The following DNAJC11 variants were observed in gnomAD, a reference collection of about 807,000 sequenced individuals.
The protein encoded by DNAJC11 is dnaJ homolog subfamily C member 11.
A neutral mutation model predicts 78.6 loss-of-function variants in DNAJC11; 15 were observed. The ratio of observed to expected loss-of-function variants is 0.19; its 90% CI spans 0.13 to 0.29. DNAJC11 has a LOEUF of 0.29. DNAJC11 is among the 10% of genes least tolerant of loss of function. The pLI, the probability that DNAJC11 is intolerant of heterozygous loss-of-function variation, is 1.00. For synonymous variants in DNAJC11, 292 were observed against 272.1 expected (o/e 1.07, Z -0.72); for missense variants, 547 against 709.6 (o/e 0.77, Z 2.60).
chr1:6,682,978 C>T (rs1331314644), intron 1 of DNAJC11, among the ~76,000 whole-genome samples: 3 of 152,098 alleles, frequency 2.0e-5, no homozygotes, highest in Admixed American at 1.3e-4. Context: ...AGAGAGCTTC[C>T]CGCTGGTTTG....
rs373107839 is a variant in DNAJC11, at chr1:6,639,895, A to G, written c.1253+7T>C. ...GCTAGTGACATGCCCATGACGTGTC[A>G]ACTCACTTCTCTTTCTGAGCCCTGA... is the stretch of plus-strand genomic sequence containing the variant. On this transcript the variant is annotated splice_region_variant and intron_variant, in intron 11 of 15. Transcript: ENST00000377577. 1 of 1,612,608 alleles carries G rather than the reference A, an allele frequency of 6.2e-7. No homozygotes were observed. Among genetic ancestry groups the G allele is most frequent in the Non-Finnish European group, 8.5e-7 (1 of 1,179,458 alleles).
intron 10 of DNAJC11, 54 bp from the exon 11 acceptor site, chr1:6,640,111 C>T: frequency 1.3e-6 from 2 of 1,497,242 alleles, no homozygotes; most frequent in South Asian, 1.3e-5. Flanking sequence ...TCAGGTTTTC[C>T]AGGGAAGGGC....
At chr1:6,678,879 C>T (rs963904835) in intron 2 of DNAJC11, among the ~76,000 whole-genome samples, 6 of 152,100 alleles carry the variant, frequency 3.9e-5, no homozygotes, top group African/African-American at 1.2e-4. Context: ...GAATTCCTGG[C>T]CTTAAATGAT....
At chr1:6,641,022 A>T (rs1481956161) in intron 10 of DNAJC11, among the ~76,000 whole-genome samples, 1 of 152,178 alleles carries the variant, frequency 6.6e-6, no homozygotes, top group Non-Finnish European at 1.5e-5. Context: ...AGCCACTGAC[A>T]ATACCTGATC....
intron 1 of DNAJC11, among the ~76,000 whole-genome samples, chr1:6,682,036 CAGA>C (rs1260415610): frequency 1.3e-5 from 2 of 151,800 alleles, no homozygotes; most frequent in African/African-American, 4.8e-5. Context: ...GCCAACTGAA[CAGA>C]AGAATAGGCC....
chr1:6,644,762 C>A, intron 9 of DNAJC11, 88 bp from the exon 10 acceptor site: 1 of 1,148,828 alleles, frequency 8.7e-7, no homozygotes. Context: ...AGGTACCTTC[C>A]CTTCCCTCCC....
In DNAJC11 at chr1:6,635,129, AAGC is replaced by A. The variant is rs1641737141; in HGVS notation, c.*543_*545del. On this transcript the variant is annotated 3_prime_UTR_variant, in exon 16 of 16. Transcript: ENST00000377577. Reference sequence around the variant, plus strand: ...CCAAACCCGTTTGTTCTCAGATAAAAAGCAGTTTTATAAACCCGCAATCTGCTC... The same window carrying A: ...CCAAACCCGTTTGTTCTCAGATAAAAAGTTTTATAAACCCGCAATCTGCTC... The A allele has an allele frequency of 5.8e-6, 1 of 172,338 alleles. No homozygotes were observed. The highest frequency in any genetic ancestry group is 1.3e-5 in the Non-Finnish European group (1 of 78,940). 10.7% of individuals were successfully genotyped at this position (172,338 alleles called of 1,614,324 possible). A position where few individuals can be genotyped will look rare whatever the true frequency, so the allele number is the denominator to read the frequency against.
At chr1:6,690,413 T>A (rs1340691998) in intron 1 of DNAJC11, among the ~76,000 whole-genome samples, 1 of 152,202 alleles carries the variant, frequency 6.6e-6, no homozygotes, top group Non-Finnish European at 1.5e-5. Flanking sequence ...ATTTTCTGGA[T>A]GAACGGGCTC....
chr1:6,645,827 G>A lies in DNAJC11; in HGVS notation c.856C>T (p.Arg286Ter), dbSNP rs1461380183. 5 of 1,614,134 alleles carry A rather than the reference G, an allele frequency of 3.1e-6. No homozygotes were observed. Among genetic ancestry groups the A allele is most frequent in the African/African-American group, 1.3e-5 (1 of 75,026 alleles). Reference sequence around the variant, plus strand: ...GTGAAGTGGCTGGTTTTAGTGTCTCGGACGATGCTAGTGTTCATGGCTGAC... The same window carrying A: ...GTGAAGTGGCTGGTTTTAGTGTCTCAGACGATGCTAGTGTTCATGGCTGAC... ...IQSAMNTSIV[R>*]DTKTSHFTVA... Residue 286 changes from arginine to a stop codon, truncating the protein, a stop_gained, in exon 8 of 16, where the codon CGA (arginine) becomes TGA (stop). Transcript: ENST00000377577. LOFTEE classifies it high-confidence loss of function. This position sits in a 1 kb window ranked among gnomAD's most constrained non-coding sequence, Gnocchi z 4.1.
chr1:6,651,014 C>T, intron 7 of DNAJC11: 1 of 531,616 alleles, frequency 1.9e-6, no homozygotes, highest in South Asian at 1.4e-5. Context: ...TCACTGCACC[C>T]ACCATATAGG....
intron 1 of DNAJC11, among the ~76,000 whole-genome samples, chr1:6,698,940 T>A (rs1239951065): frequency 2.0e-5 from 3 of 147,778 alleles, no homozygotes; most frequent in Non-Finnish European, 4.5e-5. Flanking sequence ...ATTATATATA[T>A]AAATATATAT....
Position 6,634,766 on chromosome 1 carries a change from C to T in DNAJC11, c.*909G>A, listed in dbSNP as rs149431964. 3.7e-4 allele frequency: 495 copies of T among 1,330,006 alleles called. 2 individuals are homozygous for T. The African/African-American group carries it at 5.1e-3, about 14-fold the overall frequency. 82.4% of individuals were successfully genotyped at this position (1,330,006 alleles called of 1,614,324 possible). A position where few individuals can be genotyped will look rare whatever the true frequency, so the allele number is the denominator to read the frequency against. On this transcript the variant is annotated 3_prime_UTR_variant, in exon 16 of 16. Transcript: ENST00000377577. ...TGTGAGGACGCTGGACCTGCAGGAG[C>T]GGGGAGCTGCAGTGCCACCTGCTGG...
In DNAJC11 at chr1:6,647,548, G is replaced by T. The variant is rs1221664627; in HGVS notation, c.705-1570C>A. On this transcript the variant is annotated intron_variant, in intron 7 of 15. Coordinates refer to ENST00000377577, the MANE Select transcript of DNAJC11 (RefSeq NM_018198.4). ...GAAACTGGGCTAGTAGGCCGGGCGC[G>T]GTGGCTCACGCCTGTAATCCCAGCA... 2.0e-5 allele frequency among the ~76,000 whole-genome samples: 3 copies of T among 152,012 alleles called. No individual in the cohort carries two copies. In the East Asian group the frequency reaches 5.8e-4, roughly 29 times the overall value.
At chr1:6,663,329 C>G (rs1642246126) in intron 4 of DNAJC11, among the ~76,000 whole-genome samples, 1 of 152,174 alleles carries the variant, frequency 6.6e-6, no homozygotes, top group Non-Finnish European at 1.5e-5. Context: ...TAATCATCTG[C>G]TCCACACAGG....
chr1:6,696,003 A>T (rs1642830613), intron 1 of DNAJC11, among the ~76,000 whole-genome samples: 1 of 152,210 alleles, frequency 6.6e-6, no homozygotes, highest in African/African-American at 2.4e-5. Context: ...CTGAGGTTAA[A>T]TGACTCGTTG....
In DNAJC11 at chr1:6,635,572, T is replaced by C. The variant is rs1338917801; in HGVS notation, c.*103A>G. On this transcript the variant is annotated 3_prime_UTR_variant, in exon 16 of 16. Coordinates refer to ENST00000377577, the MANE Select transcript of DNAJC11 (RefSeq NM_018198.4). ...ATGGTACCACCTTCTATAATAATAA[T>C]ATAAAATAAAAACATCTGATGTCTG... 5 of 1,208,466 alleles carry C rather than the reference T, an allele frequency of 4.1e-6. No homozygotes were observed. Among genetic ancestry groups the C allele is most frequent in the Non-Finnish European group, 5.9e-6 (5 of 849,812 alleles). 74.9% of individuals were successfully genotyped at this position (1,208,466 alleles called of 1,614,324 possible).
chr1:6,663,464 A>G (rs1378967999), intron 4 of DNAJC11, among the ~76,000 whole-genome samples: 1 of 150,704 alleles, frequency 6.6e-6, no homozygotes, highest in Non-Finnish European at 1.5e-5. Flanking sequence ...GGTATTAAGG[A>G]AAAAAGGAAT....
chr1:6,672,217 G>A (rs192026236), intron 3 of DNAJC11, among the ~76,000 whole-genome samples: 45 of 152,196 alleles, frequency 3.0e-4, no homozygotes, highest in Middle Eastern at 6.8e-3. Context: ...AGTTTGATTC[G>A]CCATAACTTT....
intron 10 of DNAJC11, among the ~76,000 whole-genome samples, chr1:6,642,996 T>A (rs1415748316): frequency 6.6e-6 from 1 of 151,702 alleles, no homozygotes; most frequent in Non-Finnish European, 1.5e-5. Context: ...ATTTAGGGGT[T>A]TGGGAGACAG....
Sources: allele counts gnomAD v4.1 joint callset (sites outside exome capture counted in the v4.1 genomes callset), GRCh38; gene constraint gnomAD v4.1.1; non-coding constraint Gnocchi (gnomAD v3.1); transcripts MANE v1.5; gene names NCBI Gene and HGNC (gene_info 2026-07-23, HGNC 2026-07-21).